The following PTPN4 variants were observed in gnomAD, a reference collection of about 807,000 sequenced individuals.
PTPN4 encodes the protein tyrosine-protein phosphatase non-receptor type 4.
A neutral mutation model predicts 135.5 loss-of-function variants in PTPN4; 49 were observed. The observed-to-expected ratio is 0.36, with a 90% confidence interval of 0.29 to 0.46. PTPN4 has a LOEUF of 0.46. Among genes scored for constraint, PTPN4 ranks in the 20% least tolerant of loss-of-function variants. PTPN4 has a pLI of 1.00. For synonymous variants in PTPN4, 333 were observed against 369.9 expected (o/e 0.90, Z 1.14); for missense variants, 860 against 1,101.0 (o/e 0.78, Z 3.10).
At chr2:119,788,513 A>T (rs1268861414) in intron 1 of PTPN4, among the ~76,000 whole-genome samples, 2 of 152,160 alleles carry the variant, frequency 1.3e-5, no homozygotes, top group Admixed American at 6.6e-5. Flanking sequence ...TAGTAGGTAC[A>T]TTCACATTCC....
intron 10 of PTPN4, among the ~76,000 whole-genome samples, chr2:119,905,494 T>C (rs1453065943): frequency 6.6e-6 from 1 of 152,148 alleles, no homozygotes; most frequent in Admixed American, 6.5e-5. Flanking sequence ...TTGTTAAAGA[T>C]AGAGAAACAG....
chr2:119,906,750 T>C (rs1005677169), intron 10 of PTPN4, among the ~76,000 whole-genome samples: 5 of 152,124 alleles, frequency 3.3e-5, no homozygotes, highest in African/African-American at 4.8e-5. Context: ...TTCTAAGAAC[T>C]AAAAGAAGAC....
chr2:119,773,919 A>C (rs1690781968), intron 1 of PTPN4, among the ~76,000 whole-genome samples: 1 of 152,208 alleles, frequency 6.6e-6, no homozygotes, highest in Non-Finnish European at 1.5e-5. Flanking sequence ...GAGAAATGTG[A>C]AAAAACATAA....
chr2:119,873,501 T>C (rs1677943787), intron 3 of PTPN4, among the ~76,000 whole-genome samples: 1 of 152,090 alleles, frequency 6.6e-6, no homozygotes, highest in African/African-American at 2.4e-5. Context: ...AAGAGATTCT[T>C]CCCAGGGAAA....
intron 9 of PTPN4, among the ~76,000 whole-genome samples, chr2:119,891,753 G>A (rs953880652): frequency 6.6e-6 from 1 of 152,110 alleles, no homozygotes; most frequent in African/African-American, 2.4e-5. Flanking sequence ...TCAATAATTT[G>A]AATTCTTTAT....
intron 1 of PTPN4, among the ~76,000 whole-genome samples, chr2:119,784,785 G>A (rs1174966564): frequency 7.2e-6 from 1 of 139,320 alleles, no homozygotes; most frequent in African/African-American, 2.7e-5. Context: ...CAGTCTGCCC[G>A]CCTCAGCCTA....
Sources: gnomAD v4.1 joint callset for allele counts (sites outside exome capture counted in the v4.1 genomes callset) on GRCh38, gnomAD v4.1.1 for gene constraint, MANE v1.5 for transcripts, NCBI Gene and HGNC (gene_info 2026-07-23, HGNC 2026-07-21) for gene names.